The following ST6GAL1 variants were observed in gnomAD, a reference collection of about 807,000 sequenced individuals.
The protein encoded by ST6GAL1 is ST6 beta-galactoside alpha-2,6-sialyltransferase 1, also known as beta-galactoside alpha-2,6-sialyltransferase 1.
Under a neutral mutation model 38.0 loss-of-function variants are expected in ST6GAL1, and 20 were observed. The ratio of observed to expected loss-of-function variants is 0.53; its 90% CI spans 0.37 to 0.77. The LOEUF (loss-of-function observed/expected upper bound fraction) is 0.77. Among genes scored for constraint, ST6GAL1 ranks in the 30% least tolerant of loss-of-function variants. The pLI is 0.00. For missense variants in ST6GAL1, 432 were observed against 496.4 expected (o/e 0.87, Z 1.23); for synonymous variants, 196 against 188.2 (o/e 1.04, Z -0.34).
At chr3:186,987,856 A>G (rs1246943314) in intron 2 of ST6GAL1, among the ~76,000 whole-genome samples, 2 of 152,210 alleles carry the variant, frequency 1.3e-5, no homozygotes, top group East Asian at 3.8e-4. Context: ...GCTGCTTCTT[A>G]TGCTAGAACT....
At chr3:187,020,989 G>C (rs1434992310) in intron 2 of ST6GAL1, among the ~76,000 whole-genome samples, 4 of 151,308 alleles carry the variant, frequency 2.6e-5, no homozygotes, top group Admixed American at 6.6e-5. Flanking sequence ...TTTTGAGATG[G>C]AGTCTCGCTC....
intron 5 of ST6GAL1, among the ~76,000 whole-genome samples, chr3:187,069,175 G>T (rs147707222): frequency 4.0e-5 from 6 of 148,846 alleles, no homozygotes; most frequent in Non-Finnish European, 8.9e-5. Context: ...TCGCTCTGTC[G>T]CCAGGCTAGA....
At chr3:187,033,505 A>AT (rs1717826010) in intron 2 of ST6GAL1, among the ~76,000 whole-genome samples, 1 of 152,200 alleles carries the variant, frequency 6.6e-6, no homozygotes, top group Non-Finnish European at 1.5e-5. Context: ...AACCATTTAC[A>AT]TTTTTTCTAG....
chr3:186,959,126 C>T (rs1714848222), intron 1 of ST6GAL1, among the ~76,000 whole-genome samples: 1 of 152,146 alleles, frequency 6.6e-6, no homozygotes, highest in African/African-American at 2.4e-5. Flanking sequence ...AATAAATGTG[C>T]AGAGGTACCC....
intron 1 of ST6GAL1, among the ~76,000 whole-genome samples, chr3:186,945,605 C>G (rs2108517660): frequency 6.6e-6 from 1 of 152,142 alleles, no homozygotes; most frequent in South Asian, 2.1e-4. Context: ...GACTAAGGAA[C>G]AGAATGTGAG....
intron 2 of ST6GAL1, among the ~76,000 whole-genome samples, chr3:187,033,778 G>GT (rs1717834502): frequency 6.6e-6 from 1 of 152,100 alleles, no homozygotes; most frequent in Non-Finnish European, 1.5e-5. Context: ...TATTAGGAAA[G>GT]TTTGTAGTGC....
intron 2 of ST6GAL1, among the ~76,000 whole-genome samples, chr3:186,977,564 G>A (rs1715561000): frequency 6.6e-6 from 1 of 152,156 alleles, no homozygotes; most frequent in Admixed American, 6.5e-5. Context: ...TGGGTCAGGT[G>A]GGAAATATGA....
chr3:186,955,916 G>T (rs1234870008), intron 1 of ST6GAL1, among the ~76,000 whole-genome samples: 3 of 152,172 alleles, frequency 2.0e-5, no homozygotes, highest in Admixed American at 2.0e-4. Context: ...AATTGTGGAT[G>T]GGAGTTCATT....
In ST6GAL1 at chr3:186,997,883, T is replaced by C. The variant is rs1488919721; in HGVS notation, c.-183+33957T>C. ...TGTGTTCTCAGCCAGTGCTATCTAATGGAAATAGAAAGCAAGCCACAAGTG... is the reference window on the plus strand; with the variant it reads ...TGTGTTCTCAGCCAGTGCTATCTAACGGAAATAGAAAGCAAGCCACAAGTG... On this transcript the variant is annotated intron_variant, in intron 2 of 7. Transcript: ENST00000169298. Among the ~76,000 whole-genome samples, 7 of 152,222 alleles carry C rather than the reference T, an allele frequency of 4.6e-5. No individual in the cohort carries two copies. The East Asian group carries it at 1.2e-3, about 25-fold the overall frequency.
intron 2 of ST6GAL1, chr3:187,006,627 A>G (rs1159032188): frequency 6.6e-6 from 1 of 152,186 alleles, no homozygotes; most frequent in African/African-American, 2.4e-5. Flanking sequence ...TATTAATTTC[A>G]TAGATGAGGA....
rs191282209 is a variant in ST6GAL1, at chr3:187,002,515, T to A, written c.-182-36227T>A. The stretch of plus-strand genomic sequence containing the variant: ...ATGCCAAGGACTTCTTTCCCTCATT[T>A]TTTACATGGCCTTGCACTCTGTGAG... On this transcript the variant is annotated intron_variant, in intron 2 of 7. Coordinates refer to ENST00000169298, the MANE Select transcript of ST6GAL1 (RefSeq NM_173216.2). Among the ~76,000 whole-genome samples, 2 of 152,340 alleles carry A rather than the reference T, an allele frequency of 1.3e-5. 1 individual carries two copies. The highest frequency in any genetic ancestry group is 3.9e-4 in the East Asian group (2 of 5,184).
intron 2 of ST6GAL1, among the ~76,000 whole-genome samples, chr3:186,980,338 T>C (rs1267823109): frequency 6.6e-6 from 1 of 152,172 alleles, no homozygotes; most frequent in Non-Finnish European, 1.5e-5. Context: ...GCCTGTAAGT[T>C]GTGGCTCATG....
At chr3:186,932,830 CAAA>C (rs879761153) in intron 1 of ST6GAL1, among the ~76,000 whole-genome samples, 6 of 152,012 alleles carry the variant, frequency 3.9e-5, no homozygotes, top group Non-Finnish European at 8.8e-5. Context: ...GTAGGAAAAC[CAAA>C]AAAACACTGA....
chr3:186,984,363 C>CTT (rs1181182365), intron 2 of ST6GAL1, among the ~76,000 whole-genome samples: 2 of 152,170 alleles, frequency 1.3e-5, no homozygotes, highest in African/African-American at 4.8e-5. Context: ...TGTTCCTCTG[C>CTT]TCAGCCTCCT....
intron 2 of ST6GAL1, among the ~76,000 whole-genome samples, chr3:187,030,046 T>G (rs376596602): frequency 6.6e-6 from 1 of 152,138 alleles, no homozygotes; most frequent in East Asian, 1.9e-4. Context: ...TGAGTGGCCG[T>G]GGTCACAATC....
intron 2 of ST6GAL1, among the ~76,000 whole-genome samples, chr3:187,036,076 A>G: frequency 6.6e-6 from 1 of 152,172 alleles, no homozygotes. Context: ...ACAAATAACA[A>G]CATTAAAATG....
At chr3:186,935,725 G>A (rs2108512613) in intron 1 of ST6GAL1, among the ~76,000 whole-genome samples, 1 of 152,250 alleles carries the variant, frequency 6.6e-6, no homozygotes, top group South Asian at 2.1e-4. Flanking sequence ...TTTTAAAGTG[G>A]TAGGGAATGT....
At chr3:187,022,579 T>C (rs1381416951) in intron 2 of ST6GAL1, among the ~76,000 whole-genome samples, 1 of 152,100 alleles carries the variant, frequency 6.6e-6, no homozygotes, top group East Asian at 1.9e-4. Flanking sequence ...TTGTCTCTTC[T>C]CAGACCTTTG....
chr3:186,931,802 C>A (rs923624718), intron 1 of ST6GAL1, among the ~76,000 whole-genome samples: 3 of 152,216 alleles, frequency 2.0e-5, no homozygotes, highest in Non-Finnish European at 2.9e-5. Flanking sequence ...TTTTCGCAAG[C>A]AAGGCCAGCC....
Sources: allele counts gnomAD v4.1 joint callset (sites outside exome capture counted in the v4.1 genomes callset), GRCh38; gene constraint gnomAD v4.1.1; transcripts MANE v1.5; gene names NCBI Gene and HGNC (gene_info 2026-07-23, HGNC 2026-07-21).